The following GAB2 variants were observed in gnomAD, a reference collection of about 807,000 sequenced individuals.
The protein encoded by GAB2 is GRB2 associated binding protein 2.
GAB2 carries 26 observed loss-of-function variants against 65.5 expected under a neutral mutation model. The observed-to-expected ratio is 0.40, with a 90% CI of 0.29 to 0.55. The LOEUF is 0.55. Ranked by LOEUF, GAB2 falls within the 20% of genes least tolerant of loss-of-function variation. The pLI is 0.53. For synonymous variants in GAB2, 321 were observed against 329.6 expected (o/e 0.97, Z 0.28); for missense variants, 884 against 875.8 (o/e 1.01, Z -0.12).
intron 1 of GAB2, among the ~76,000 whole-genome samples, chr11:78,323,286 G>A (rs1326324212): frequency 4.6e-5 from 7 of 152,200 alleles, no homozygotes; most frequent in South Asian, 2.1e-4. Context: ...GAGACGGGAC[G>A]ATCACCTGAG....
intron 1 of GAB2, among the ~76,000 whole-genome samples, chr11:78,333,269 T>C (rs992862601): frequency 2.0e-5 from 3 of 152,190 alleles, no homozygotes; most frequent in African/African-American, 4.8e-5. Flanking sequence ...TGACTTTTTT[T>C]ATTTTTTATT....
At chr11:78,307,520 G>A (rs1565152591) in intron 1 of GAB2, among the ~76,000 whole-genome samples, 1 of 151,766 alleles carries the variant, frequency 6.6e-6, no homozygotes, top group Non-Finnish European at 1.5e-5. Context: ...CACTTTGGGA[G>A]GCCAAGATAG....
intron 7 of GAB2, 97 bp from the exon 8 acceptor site, chr11:78,221,876 T>C: frequency 1.3e-6 from 1 of 792,162 alleles, no homozygotes; most frequent in Admixed American, 2.1e-5. Context: ...CACCCAGACC[T>C]CAGCCATTAG....
intron 1 of GAB2, among the ~76,000 whole-genome samples, chr11:78,304,524 G>T (rs1855307768): frequency 6.6e-6 from 1 of 152,208 alleles, no homozygotes; most frequent in Non-Finnish European, 1.5e-5. Context: ...TACAATCTTA[G>T]ACTCTGGAGA....
At chr11:78,280,107 T>C (rs1163366775) in intron 2 of GAB2, among the ~76,000 whole-genome samples, 1 of 152,158 alleles carries the variant, frequency 6.6e-6, no homozygotes. Context: ...ATCTGTCCCC[T>C]CCCAAGTAAA....
intron 1 of GAB2, among the ~76,000 whole-genome samples, chr11:78,343,348 C>T (rs1591053100): frequency 8.6e-6 from 1 of 115,762 alleles, no homozygotes; most frequent in African/African-American, 3.3e-5. Context: ...CAATGTAGTA[C>T]AAGAAGGAAT....
At chr11:78,407,136 T>C (rs938389426) in intron 1 of GAB2, among the ~76,000 whole-genome samples, 44 of 152,108 alleles carry the variant, frequency 2.9e-4, no homozygotes, top group Admixed American at 6.5e-5. Context: ...AGTTTTGTCA[T>C]TGGATTCTTG....
In GAB2 at chr11:78,226,418, G is replaced by A. The variant is rs748845776; in HGVS notation, c.1207+47C>T. The stretch of plus-strand genomic sequence containing the variant: ...GACCATCAAACTATTGAGAACCCCT[G>A]TGTTACCTCCTCCTCCCTCTGAGTC... On this transcript the variant is annotated intron_variant, in intron 4 of 9. Transcript: ENST00000361507. 6 of 1,441,536 alleles carry A rather than the reference G, an allele frequency of 4.2e-6. No individual in the cohort carries two copies. In the African/African-American group the frequency reaches 7.0e-5, roughly 17 times the overall value. 89.3% of individuals were successfully genotyped at this position (1,441,536 alleles called of 1,614,324 possible).
rs367680993 is a variant in GAB2 at position 78,326,919 on chromosome 11, G to A, written c.76-46018C>T. ...CTGGAGGTAAGAAGAAGGCCTAGAA[G>A]TAGGAAAGCCAGAAAGTGGTGGTGG... On this transcript the variant is annotated intron_variant, in intron 1 of 9. Coordinates refer to ENST00000361507, the MANE Select transcript of GAB2 (RefSeq NM_080491.3). Among the ~76,000 whole-genome samples the A allele has an allele frequency of 3.9e-5, 6 of 152,314 alleles. No individual in the cohort carries two copies. The South Asian group carries it at 1.2e-3, about 32-fold the overall frequency.
At chr11:78,276,126 A>AAAAG (rs1554982087) in intron 2 of GAB2, among the ~76,000 whole-genome samples, 70 of 151,406 alleles carry the variant, frequency 4.6e-4, no homozygotes, top group Admixed American at 1.8e-3. Context: ...AAAAAAAAAA[A>AAAAG]AAGAAGAAGA....
At chr11:78,232,240 A>G (rs1864868404) in intron 3 of GAB2, among the ~76,000 whole-genome samples, 1 of 152,228 alleles carries the variant, frequency 6.6e-6, no homozygotes, top group South Asian at 2.1e-4. Flanking sequence ...CCATCTTTCT[A>G]TAGACTACTG....
intron 1 of GAB2, among the ~76,000 whole-genome samples, chr11:78,397,007 A>G (rs779535559): frequency 5.3e-5 from 8 of 152,224 alleles, no homozygotes; most frequent in Non-Finnish European, 1.2e-4. Flanking sequence ...AGAGACTAGG[A>G]AATACTCTAA....
At chr11:78,378,406 C>T (rs978737923) in intron 1 of GAB2, among the ~76,000 whole-genome samples, 2 of 152,196 alleles carry the variant, frequency 1.3e-5, no homozygotes, top group African/African-American at 4.8e-5. Flanking sequence ...CTATTTCTTG[C>T]TTAAATTTAC....
At chr11:78,276,922 A>T (rs1251914667) in intron 2 of GAB2, among the ~76,000 whole-genome samples, 2 of 152,138 alleles carry the variant, frequency 1.3e-5, no homozygotes, top group African/African-American at 4.8e-5. Flanking sequence ...GGTTCACGCC[A>T]TTCTCCTGCC....
In GAB2 at chr11:78,355,776, T is replaced by C. The variant is rs1337908909; in HGVS notation, c.75+61870A>G. Among the ~76,000 whole-genome samples the C allele has an allele frequency of 3.5e-5, 5 of 144,216 alleles. No individual in the cohort carries two copies. In the South Asian group the frequency reaches 1.2e-3, roughly 35 times the overall value. 94.6% of individuals were successfully genotyped at this position (144,216 alleles called of 152,430 possible). On this transcript the variant is annotated intron_variant, in intron 1 of 9. Coordinates refer to ENST00000361507, the MANE Select transcript of GAB2 (RefSeq NM_080491.3). ...AGAAAGTACACAGAAGTACCAAGTA[T>C]ACTGAGATTAAAATGAGGCAACTGA...
Position 78,417,642 on chromosome 11 carries a change from T to C in GAB2, c.75+4A>G. The C allele has an allele frequency of 7.4e-7, 1 of 1,346,540 alleles. No homozygotes were observed. Among genetic ancestry groups the C allele is most frequent in the Non-Finnish European group, 9.8e-7 (1 of 1,023,840 alleles). The allele number at this position is 1,346,540 out of a possible 1,614,324, so 83.4% of individuals were successfully genotyped here. On this transcript the variant is annotated splice_donor_region_variant and intron_variant, in intron 1 of 9. Coordinates refer to ENST00000361507, the MANE Select transcript of GAB2 (RefSeq NM_080491.3). ...CGCCCCTGGGCGGCCGCGCCCGCAC[T>C]CACATAGCGCCTCAACTTCTTCTCG... is the stretch of plus-strand genomic sequence containing the variant.
chr11:78,414,888 T>C (rs1362965847), intron 1 of GAB2, among the ~76,000 whole-genome samples: 1 of 152,232 alleles, frequency 6.6e-6, no homozygotes, highest in Admixed American at 6.5e-5. Context: ...TTGTTTTTCT[T>C]TGAAATGGAG....
intron 1 of GAB2, among the ~76,000 whole-genome samples, chr11:78,306,559 T>A (rs983293250): frequency 2.0e-5 from 3 of 152,244 alleles, no homozygotes; most frequent in Non-Finnish European, 4.4e-5. Flanking sequence ...GCTATCAATA[T>A]AGTCATTCAG....
chr11:78,296,231 G>C (rs1214211336), intron 1 of GAB2, among the ~76,000 whole-genome samples: 1 of 152,174 alleles, frequency 6.6e-6, no homozygotes, highest in African/African-American at 2.4e-5. Context: ...GACTGGTAAG[G>C]GTCCTCGGCC....
Sources: allele counts gnomAD v4.1 joint callset (sites outside exome capture counted in the v4.1 genomes callset), GRCh38; gene constraint gnomAD v4.1.1; transcripts MANE v1.5; gene names NCBI Gene and HGNC (gene_info 2026-07-23, HGNC 2026-07-21).